Variants in PDE8A observed in about 807,000 individuals in gnomAD.
PDE8A encodes high affinity cAMP-specific and IBMX-insensitive 3',5'-cyclic phosphodiesterase 8A.
PDE8A carries 59 observed loss-of-function variants against 105.0 expected under a neutral mutation model. The observed-to-expected ratio is 0.56, with a 90% confidence interval of 0.46 to 0.70. PDE8A has a LOEUF of 0.70. PDE8A is among the 30% of genes least tolerant of loss of function. The pLI, the probability that PDE8A is intolerant of heterozygous loss-of-function variation, is 0.00. For missense variants in PDE8A, 1,014 were observed against 1,045.9 expected (o/e 0.97, Z 0.42); for synonymous variants, 355 against 371.9 (o/e 0.95, Z 0.52).
intron 1 of PDE8A, among the ~76,000 whole-genome samples, chr15:85,000,574 G>A (rs763220685): frequency 1.3e-5 from 2 of 152,168 alleles, no homozygotes; most frequent in South Asian, 4.1e-4. Context: ...CTCTGTTCAG[G>A]GTTATTATGA....
Position 85,066,579 on chromosome 15 carries a change from C to G in PDE8A, c.244-435C>G, listed in dbSNP as rs958351367. 5.0e-5 allele frequency among the ~76,000 whole-genome samples: 7 copies of G among 138,844 alleles called. No homozygotes were observed. The Admixed American group carries it at 5.3e-4, about 10-fold the overall frequency. 91.1% of individuals were successfully genotyped at this position (138,844 alleles called of 152,430 possible). A position where few individuals can be genotyped will look rare whatever the true frequency, so the allele number is the denominator to read the frequency against. ...ACCCTGTTGCCCACCCACCATCCCC[C>G]CAAAACACACACACACACACACACA... On this transcript the variant is annotated intron_variant, in intron 2 of 21. Coordinates refer to ENST00000394553, the MANE Select transcript of PDE8A (RefSeq NM_002605.3).
chr15:85,111,249 A>G (rs1407896283), intron 12 of PDE8A, among the ~76,000 whole-genome samples: 2 of 152,154 alleles, frequency 1.3e-5, no homozygotes, highest in South Asian at 2.1e-4. Context: ...CAGGTTTTCT[A>G]TTATTACTTG....
intron 1 of PDE8A, among the ~76,000 whole-genome samples, chr15:85,028,461 T>G (rs1207237031): frequency 2.0e-5 from 3 of 152,090 alleles, no homozygotes; most frequent in Non-Finnish European, 2.9e-5. Context: ...GTGATCCTCC[T>G]TCCTCAGCCT....
intron 1 of PDE8A, among the ~76,000 whole-genome samples, chr15:85,045,343 C>G (rs976613326): frequency 6.6e-6 from 1 of 152,138 alleles, no homozygotes; most frequent in African/African-American, 2.4e-5. Flanking sequence ...TGATCTTTTT[C>G]CAGCTAGATA....
At chr15:85,018,763 C>CT (rs1399025210) in intron 1 of PDE8A, among the ~76,000 whole-genome samples, 2 of 152,144 alleles carry the variant, frequency 1.3e-5, no homozygotes, top group Non-Finnish European at 2.9e-5. Context: ...ATTTGGATGA[C>CT]AAATAGCAAG....
chr15:84,982,881 C>T (rs1467839808), intron 1 of PDE8A, among the ~76,000 whole-genome samples: 2 of 152,246 alleles, frequency 1.3e-5, no homozygotes, highest in Non-Finnish European at 2.9e-5. Context: ...ATCAGCTTTG[C>T]TTCATTGCAC....
chr15:85,021,020 C>G, intron 1 of PDE8A, among the ~76,000 whole-genome samples: 1 of 152,136 alleles, frequency 6.6e-6, no homozygotes, highest in East Asian at 1.9e-4. Context: ...AACCTAATCA[C>G]TAATGCAATG....
intron 1 of PDE8A, among the ~76,000 whole-genome samples, chr15:84,986,180 GT>G (rs2079799221): frequency 1.3e-5 from 2 of 152,148 alleles, no homozygotes; most frequent in Non-Finnish European, 2.9e-5. Context: ...TGAGCCGAGA[GT>G]GCGTCCCTGC....
chr15:85,115,954 ATTTG>A, intron 15 of PDE8A, 26 bp from the exon 16 acceptor site: 1 of 1,583,164 alleles, frequency 6.3e-7, no homozygotes. Context: ...TTTAAAGCCT[ATTTG>A]TTCTCCAAAT....
rs189510231 is a variant in PDE8A at position 85,138,037 on chromosome 15, G to A, written c.*134G>A. 45 of 590,490 alleles carry A rather than the reference G, an allele frequency of 7.6e-5. No homozygotes were observed. In the East Asian group the frequency reaches 1.0e-3, roughly 13 times the overall value. The allele number at this position is 590,490 out of a possible 1,614,324, so 36.6% of individuals were successfully genotyped here. A position where few individuals can be genotyped will look rare whatever the true frequency, so the allele number is the denominator to read the frequency against. On this transcript the variant is annotated 3_prime_UTR_variant, in exon 22 of 22. Coordinates refer to ENST00000394553, the MANE Select transcript of PDE8A (RefSeq NM_002605.3). Reference sequence around the variant, plus strand: ...ATCTGCATAGCCTGTGAAAGCCCACGGGGACATCAGTAACCTTCTGCAGCC... The same window carrying A: ...ATCTGCATAGCCTGTGAAAGCCCACAGGGACATCAGTAACCTTCTGCAGCC...
At chr15:84,997,484 A>C (rs1396085058) in intron 1 of PDE8A, among the ~76,000 whole-genome samples, 2 of 152,106 alleles carry the variant, frequency 1.3e-5, no homozygotes. Flanking sequence ...ATATGAGCCA[A>C]CGCACCCAGC....
chr15:85,051,174 T>C (rs1265591359), intron 1 of PDE8A, among the ~76,000 whole-genome samples: 4 of 152,220 alleles, frequency 2.6e-5, no homozygotes, highest in South Asian at 4.1e-4. Context: ...GATACTTTGC[T>C]GACTTTATTA....
intron 8 of PDE8A, among the ~76,000 whole-genome samples, chr15:85,094,892 A>G (rs930401243): frequency 6.6e-6 from 1 of 152,072 alleles, no homozygotes. Flanking sequence ...TCATTTTGTC[A>G]TGTTGCTTCC....
Position 85,123,243 on chromosome 15 carries a change from G to A in PDE8A, c.2085+50G>A, listed in dbSNP as rs752632843. ...AACCTGTGTTTGGGGTCCTTGTACT[G>A]TTGTGTTATGGAGACACATGGGCTA... On this transcript the variant is annotated intron_variant, in intron 19 of 21. Transcript: ENST00000394553. The A allele has an allele frequency of 2.5e-6, 4 of 1,586,244 alleles. No individual in the cohort carries two copies. In the East Asian group the frequency reaches 6.7e-5, roughly 27 times the overall value.
intron 9 of PDE8A, chr15:85,099,751 T>A: frequency 4.4e-6 from 2 of 457,266 alleles, no homozygotes. Context: ...CAGTTCATTT[T>A]AAAAAATATG....
intron 1 of PDE8A, among the ~76,000 whole-genome samples, chr15:85,030,636 C>T (rs540302973): frequency 2.0e-5 from 3 of 152,310 alleles, no homozygotes; most frequent in South Asian, 4.1e-4. Context: ...ACTGTGGAAT[C>T]CTCCATTTCA....
intron 3 of PDE8A, among the ~76,000 whole-genome samples, chr15:85,072,702 C>T (rs914847192): frequency 6.6e-6 from 1 of 152,174 alleles, no homozygotes; most frequent in Non-Finnish European, 1.5e-5. Context: ...GGACTGTCTC[C>T]TCTGCACATT....
chr15:85,026,657 T>A (rs756353810), intron 1 of PDE8A, among the ~76,000 whole-genome samples: 224 of 152,280 alleles, frequency 1.5e-3, no homozygotes, highest in Non-Finnish European at 2.6e-3. Flanking sequence ...TGGCTGTTTT[T>A]AAAACTACTA....
chr15:85,024,307 C>T (rs2080476986), intron 1 of PDE8A, among the ~76,000 whole-genome samples: 2 of 152,220 alleles, frequency 1.3e-5, no homozygotes, highest in Non-Finnish European at 2.9e-5. Context: ...ATCCCTGGCA[C>T]AGTACCTGGC....
Sources: allele counts gnomAD v4.1 joint callset (sites outside exome capture counted in the v4.1 genomes callset), GRCh38; gene constraint gnomAD v4.1.1; transcripts MANE v1.5; gene names NCBI Gene and HGNC (gene_info 2026-07-23, HGNC 2026-07-21).